NTM: variants seen among roughly 807,000 people sequenced by gnomAD.
NTM encodes the protein neurotrimin.
In NTM, 13 loss-of-function variants were observed where a neutral mutation model predicts 42.1. The ratio of observed to expected loss-of-function variants is 0.31; its 90% confidence interval spans 0.20 to 0.49. NTM has a LOEUF of 0.49. Ranked by LOEUF, NTM falls within the 20% of genes least tolerant of loss-of-function variation. The pLI, the probability that NTM is intolerant of heterozygous loss-of-function variation, is 0.99. For missense variants in NTM, 373 were observed against 452.8 expected, an observed-to-expected ratio of 0.82 and a Z score of 1.60; for synonymous variants, 187 against 179.2, an observed-to-expected ratio of 1.04 and a Z score of -0.35.
At chr11:131,667,214 C>T (rs1267039959) in intron 1 of NTM, among the ~76,000 whole-genome samples, 2 of 152,146 alleles carry the variant, frequency 1.3e-5, no homozygotes, top group East Asian at 1.9e-4. Context: ...ATCTACAAAG[C>T]CTGTGGATCC....
chr11:131,726,472 T>C (rs2078987128), intron 1 of NTM, among the ~76,000 whole-genome samples: 1 of 151,102 alleles, frequency 6.6e-6, no homozygotes, highest in Admixed American at 6.6e-5. Flanking sequence ...AAATAAGCCC[T>C]AACCCATGGC....
chr11:132,325,413 T>A (rs372918850), intron 7 of NTM, among the ~76,000 whole-genome samples: 3 of 152,108 alleles, frequency 2.0e-5, no homozygotes, highest in African/African-American at 7.2e-5. Flanking sequence ...AACACATGAA[T>A]AAATGCTCAC....
At chr11:132,192,460 A>T (rs2079464681) in intron 3 of NTM, among the ~76,000 whole-genome samples, 1 of 152,180 alleles carries the variant, frequency 6.6e-6, no homozygotes, top group South Asian at 2.1e-4. Context: ...AGACAAGCAA[A>T]CACTAAGGGA....
intron 1 of NTM, among the ~76,000 whole-genome samples, chr11:131,844,804 A>G (rs1012311754): frequency 5.9e-5 from 9 of 152,158 alleles, no homozygotes; most frequent in Non-Finnish European, 1.2e-4. Context: ...ATATTTCTAT[A>G]TTCATCTTAT....
chr11:132,111,386 C>A (rs888853018), intron 2 of NTM, among the ~76,000 whole-genome samples: 1 of 152,044 alleles, frequency 6.6e-6, no homozygotes, highest in South Asian at 2.1e-4. Flanking sequence ...AAAAACAAAA[C>A]AAGCCTTCCA....
intron 1 of NTM, among the ~76,000 whole-genome samples, chr11:131,653,275 C>T (rs544779958): frequency 1.7e-5 from 1 of 59,390 alleles, no homozygotes; most frequent in African/African-American, 3.9e-5. Flanking sequence ...CTCCCTCCAC[C>T]TGCTGTCTCT....
At chr11:131,444,717 AC>A (rs1591683454) in intron 1 of NTM, among the ~76,000 whole-genome samples, 1 of 152,140 alleles carries the variant, frequency 6.6e-6, no homozygotes, top group East Asian at 1.9e-4. Context: ...GTTAAAGATG[AC>A]CAACAGAAGA....
At chr11:131,618,490 C>T (rs778171924) in intron 1 of NTM, among the ~76,000 whole-genome samples, 1 of 152,138 alleles carries the variant, frequency 6.6e-6, no homozygotes, top group Non-Finnish European at 1.5e-5. Context: ...GACATGCTAT[C>T]CGAATTAAAT....
rs533674853 is a variant in NTM at position 132,160,255 on chromosome 11, C to T, written c.400+13741C>T. Among the ~76,000 whole-genome samples the T allele has an allele frequency of 7.2e-5, 11 of 152,232 alleles. 1 individual carries two copies. In the South Asian group the frequency reaches 2.1e-3, roughly 29 times the overall value. On this transcript the variant is annotated intron_variant, in intron 3 of 8. Coordinates refer to ENST00000683400, the MANE Select transcript of NTM (RefSeq NM_001352005.2). ...GCATTCATATGGCAAATGAATTTTT[C>T]GTGCAAAAAAGCTTCCTGTGATTGA...
intron 2 of NTM, among the ~76,000 whole-genome samples, chr11:132,048,818 C>CTTTTTTTTTTTTTTT (rs10563617): frequency 7.5e-6 from 1 of 133,002 alleles, no homozygotes; most frequent in Non-Finnish European, 1.6e-5. Context: ...TTTCTTTTTT[C>CTTTTTTTTTTTTTTT]TTTTTTTTTT....
chr11:132,262,745 G>C (rs2092943509), intron 4 of NTM, among the ~76,000 whole-genome samples: 1 of 152,098 alleles, frequency 6.6e-6, no homozygotes, highest in South Asian at 2.1e-4. Flanking sequence ...TTCTGACCCT[G>C]TCATTCCTCC....
chr11:132,071,530 G>A (rs895605429), intron 2 of NTM, among the ~76,000 whole-genome samples: 3 of 152,228 alleles, frequency 2.0e-5, no homozygotes, highest in African/African-American at 7.2e-5. Context: ...GAGATCATTT[G>A]ATTCAAATGT....
At chr11:131,724,131 G>T (rs549940797) in intron 1 of NTM, among the ~76,000 whole-genome samples, 1 of 152,242 alleles carries the variant, frequency 6.6e-6, no homozygotes, top group South Asian at 2.1e-4. Context: ...ACACGTGCTA[G>T]AAGGGAGTGC....
chr11:131,458,023 T>C (rs1274590700), intron 1 of NTM, among the ~76,000 whole-genome samples: 2 of 152,320 alleles, frequency 1.3e-5, no homozygotes, highest in South Asian at 2.1e-4. Context: ...TATTCTGTTA[T>C]AGAAGCCCAA....
chr11:131,453,877 G>T (rs1950671343), intron 1 of NTM, among the ~76,000 whole-genome samples: 1 of 152,218 alleles, frequency 6.6e-6, no homozygotes, highest in Non-Finnish European at 1.5e-5. Flanking sequence ...AGAGCCTTTA[G>T]GTGTGGGGTT....
chr11:131,629,044 C>T (rs993780616), intron 1 of NTM, among the ~76,000 whole-genome samples: 7 of 152,314 alleles, frequency 4.6e-5, no homozygotes, highest in South Asian at 4.1e-4. Context: ...CGTGTCTGTC[C>T]GATCTGTTTT....
chr11:131,882,268 A>G (rs2049657112), intron 1 of NTM, among the ~76,000 whole-genome samples: 1 of 152,234 alleles, frequency 6.6e-6, no homozygotes, highest in African/African-American at 2.4e-5. Flanking sequence ...CGGCAAGTTC[A>G]AAATCTACAA....
intron 1 of NTM, among the ~76,000 whole-genome samples, chr11:131,754,092 T>C (rs896693544): frequency 4.3e-4 from 52 of 122,162 alleles, no homozygotes; most frequent in African/African-American, 1.7e-3. Flanking sequence ...TGAGAACACA[T>C]GGACACAGGA....
At chr11:132,229,300 G>A (rs938939754) in intron 4 of NTM, among the ~76,000 whole-genome samples, 4 of 152,278 alleles carry the variant, frequency 2.6e-5, no homozygotes, top group Non-Finnish European at 5.9e-5. Context: ...CACTTAGACC[G>A]CTTGCTCACA....
Sources: gnomAD v4.1 joint callset for allele counts (sites outside exome capture counted in the v4.1 genomes callset) on GRCh38, gnomAD v4.1.1 for gene constraint, MANE v1.5 for transcripts, NCBI Gene and HGNC (gene_info 2026-07-23, HGNC 2026-07-21) for gene names.